The following CACNA2D4 variants were observed in gnomAD, a reference collection of about 807,000 sequenced individuals.
The protein encoded by CACNA2D4 is voltage-dependent calcium channel subunit alpha-2/delta-4.
CACNA2D4 carries 157 observed loss-of-function variants against 163.8 expected under a neutral mutation model. The observed-to-expected ratio is 0.96, with a 90% CI of 0.84 to 1.09. The LOEUF is 1.09. Among genes scored for constraint, CACNA2D4 ranks in the 50% least tolerant of loss-of-function variants. The pLI is 0.00. For missense variants in CACNA2D4, 1,410 were observed against 1,479.9 expected, an observed-to-expected ratio of 0.95 and a Z score of 0.78; for synonymous variants, 598 against 586.9, an observed-to-expected ratio of 1.02 and a Z score of -0.27.
intron 19 of CACNA2D4, among the ~76,000 whole-genome samples, 153 bp from the exon 20 acceptor site, chr12:1,858,797 C>T (rs1000360516): frequency 3.9e-5 from 6 of 152,198 alleles, no homozygotes; most frequent in Admixed American, 2.0e-4. Context: ...TTACCTCTGG[C>T]CTCACAGCCA....
Position 1,846,676 on chromosome 12 carries a change from C to G in CACNA2D4, c.2260G>C (p.Val754Leu). ...GTGCCCAGGAAGGCCATGTCCACCA[C>G]GTGTTCAGACTCCCTGTGTGGCAGA... ...ALNMSEESEH[V>L]VDMAFLGTRA... Residue 754 changes from valine to leucine, a missense_variant, in exon 24 of 38, where the codon GTG (valine) becomes CTG (leucine). By Grantham distance (32) the Val-to-Leu change is conservative. Transcript: ENST00000382722. 1.3e-6 allele frequency: 2 copies of G among 1,598,782 alleles called. No individual in the cohort carries two copies. The highest frequency in any genetic ancestry group is 1.7e-6 in the Non-Finnish European group (2 of 1,175,002).
Position 1,884,794 on chromosome 12 carries a change from C to T in CACNA2D4, c.1246G>A (p.Glu416Lys), listed in dbSNP as rs375433022. 3.7e-6 allele frequency: 6 copies of T among 1,613,608 alleles called. No individual in the cohort carries two copies. The African/African-American group carries it at 8.0e-5, about 22-fold the overall frequency. ...TTACAGTCTGGCCAGTTATACTTCT[C>T]AAACACCGGCTCGTAGTCCTCCACG... Reference protein sequence around the residue: ...GAVEDYEPVFEKYNWPDCKVR... With the variant: ...GAVEDYEPVFKKYNWPDCKVR... Residue 416 changes from glutamate to lysine, a missense_variant, in exon 11 of 38, where the codon GAG becomes AAG. Physicochemically the swap from Glu to Lys is moderately conservative, Grantham distance 56. Transcript: ENST00000382722.
At chr12:1,856,154 T>A in intron 21 of CACNA2D4, 30 bp downstream of exon 21, 1 of 1,613,834 alleles carries the variant, frequency 6.2e-7, no homozygotes, top group Non-Finnish European at 8.5e-7. Flanking sequence ...ATTCCACCTG[T>A]CTCCCTCCCA....
chr12:1,861,830 T>C (rs1045438033), intron 18 of CACNA2D4, among the ~76,000 whole-genome samples: 2 of 152,184 alleles, frequency 1.3e-5, no homozygotes, highest in African/African-American at 4.8e-5. Context: ...TCCAGCCCTG[T>C]GATTACCAAC....
chr12:1,915,012 G>C (rs1005547048), intron 1 of CACNA2D4, 77 bp from the exon 2 acceptor site: 3 of 1,064,392 alleles, frequency 2.8e-6, no homozygotes, highest in Non-Finnish European at 4.4e-6. Context: ...AGACATATGG[G>C]TTCACACACA....
At chr12:1,880,819 A>G (rs1038457875) in intron 13 of CACNA2D4, among the ~76,000 whole-genome samples, 1 of 152,216 alleles carries the variant, frequency 6.6e-6, no homozygotes, top group African/African-American at 2.4e-5. Flanking sequence ...ACACATCTCT[A>G]TGGGCTGCAT....
In CACNA2D4 at chr12:1,792,736, C is replaced by T. The variant is rs1449578938; in HGVS notation, c.*919G>A. 1 of 152,114 alleles carries T rather than the reference C, an allele frequency of 6.6e-6. No homozygotes were observed. The highest frequency in any genetic ancestry group is 1.5e-5 in the Non-Finnish European group (1 of 68,028). 9.4% of individuals were successfully genotyped at this position (152,114 alleles called of 1,614,324 possible). The stretch of plus-strand genomic sequence containing the variant: ...ACCCTGCTTAGCAAGTTGGAATGTT[C>T]CCACAAGTTCCAACCCTAAGGATTT... On this transcript the variant is annotated 3_prime_UTR_variant, in exon 38 of 38. Coordinates refer to ENST00000382722, the MANE Select transcript of CACNA2D4 (RefSeq NM_172364.5).
intron 26 of CACNA2D4, among the ~76,000 whole-genome samples, chr12:1,830,323 T>C (rs1864564737): frequency 6.6e-6 from 1 of 152,154 alleles, no homozygotes; most frequent in South Asian, 2.1e-4. Flanking sequence ...GGGTGTGGGA[T>C]TGATGGAAAC....
At chr12:1,801,737 G>A (rs985808955) in intron 29 of CACNA2D4, 93 bp from the exon 30 acceptor site, 14 of 852,170 alleles carry the variant, frequency 1.6e-5, no homozygotes, top group African/African-American at 3.4e-5. Context: ...AGCTCAGGTC[G>A]AGGCTTTTGG....
chr12:1,832,704 C>T (rs1361864499), intron 26 of CACNA2D4, among the ~76,000 whole-genome samples: 2 of 152,128 alleles, frequency 1.3e-5, no homozygotes, highest in African/African-American at 2.4e-5. Flanking sequence ...TTTTCATGAG[C>T]GGGGAAATAA....
chr12:1,902,194 G>A (rs553744979), intron 6 of CACNA2D4, among the ~76,000 whole-genome samples: 4 of 151,828 alleles, frequency 2.6e-5, no homozygotes, highest in Non-Finnish European at 2.9e-5. Flanking sequence ...AAAAAACTGG[G>A]TATACAAGGA....
At chr12:1,807,548 G>C (rs574799727) in intron 29 of CACNA2D4, among the ~76,000 whole-genome samples, 1 of 151,894 alleles carries the variant, frequency 6.6e-6, no homozygotes, top group African/African-American at 2.4e-5. Context: ...ACAGAGGGTC[G>C]GACAGCTGAA....
At chr12:1,809,465 G>C (rs1863638091) in intron 29 of CACNA2D4, 2 of 693,638 alleles carry the variant, frequency 2.9e-6, no homozygotes, top group Non-Finnish European at 5.2e-6. Context: ...TCAGGCAGGA[G>C]GCGGTTCTGA....
chr12:1,863,392 T>A (rs1029040826), intron 18 of CACNA2D4, among the ~76,000 whole-genome samples: 1 of 152,256 alleles, frequency 6.6e-6, no homozygotes. Context: ...TATTTCAAGA[T>A]AATTTTGCCT....
rs1008018196 is a variant in CACNA2D4, at chr12:1,844,954, T to G, written c.2343-425A>C. Among the ~76,000 whole-genome samples the G allele has an allele frequency of 1.3e-5, 2 of 152,126 alleles. No homozygotes were observed. The highest frequency in any genetic ancestry group is 2.9e-5 in the Non-Finnish European group (2 of 68,032). Reference sequence around the variant, plus strand: ...ACAGGATTGCCTCTAGGTTTTTGCATACATTATGAGTTTCCTTTTTTTGAG... The same window carrying G: ...ACAGGATTGCCTCTAGGTTTTTGCAGACATTATGAGTTTCCTTTTTTTGAG... On this transcript the variant is annotated intron_variant, in intron 24 of 37. Transcript: ENST00000382722. This position sits in a 1 kb window ranked among gnomAD's most constrained non-coding sequence, Gnocchi z 4.2.
At chr12:1,851,777 G>A (rs557930028) in intron 23 of CACNA2D4, among the ~76,000 whole-genome samples, 11 of 150,686 alleles carry the variant, frequency 7.3e-5, no homozygotes, top group Non-Finnish European at 1.0e-4. Flanking sequence ...AAAGACTGAC[G>A]GTGTTTTCAT....
In CACNA2D4 at chr12:1,885,016, G is replaced by C. The variant is rs1206366336; in HGVS notation, c.1129C>G (p.Leu377Val). 1 of 1,613,934 alleles carries C rather than the reference G, an allele frequency of 6.2e-7. No homozygotes were observed. The highest frequency in any genetic ancestry group is 8.5e-7 in the Non-Finnish European group (1 of 1,179,866). Residue 377 changes from leucine to valine, a missense_variant, in exon 10 of 38, where the codon CTG becomes GTG. Leu to Val is a conservative substitution (Grantham distance 32, BLOSUM62 1). Coordinates refer to ENST00000382722, the MANE Select transcript of CACNA2D4 (RefSeq NM_172364.5). ...VKGVGVVDQA[L>V]REAFQILKQF... ...TTCAGGATCTGGAAGGCTTCTCTCA[G>C]GGCTTGGTCCACGACCCCCACACCT...
chr12:1,901,481 AT>A (rs991815131), intron 6 of CACNA2D4, among the ~76,000 whole-genome samples: 29 of 152,038 alleles, frequency 1.9e-4, no homozygotes, highest in South Asian at 6.2e-4. Flanking sequence ...AGACTTAAAT[AT>A]ATAAAATCAT....
At chr12:1,839,183 T>C (rs1354247914) in intron 26 of CACNA2D4, among the ~76,000 whole-genome samples, 1 of 152,244 alleles carries the variant, frequency 6.6e-6, no homozygotes, top group Admixed American at 6.5e-5. Flanking sequence ...GTCCCCATCC[T>C]GCTGCGAGAG....
Sources: allele counts gnomAD v4.1 joint callset (sites outside exome capture counted in the v4.1 genomes callset), GRCh38; gene constraint gnomAD v4.1.1; non-coding constraint Gnocchi (gnomAD v3.1); transcripts MANE v1.5; gene names NCBI Gene and HGNC (gene_info 2026-07-23, HGNC 2026-07-21).